HDAC9: variants seen among roughly 807,000 people sequenced by gnomAD.
HDAC9 encodes histone deacetylase 9, also known as MEF-2 interacting transcription repressor (MITR) protein.
In HDAC9, 41 loss-of-function variants were observed where a neutral mutation model predicts 139.4. The observed-to-expected ratio is 0.29, with a 90% CI of 0.23 to 0.38. The LOEUF (loss-of-function observed/expected upper bound fraction) is 0.38. Ranked by LOEUF, HDAC9 falls within the 10% of genes least tolerant of loss-of-function variation. HDAC9 has a pLI of 1.00. For missense variants in HDAC9, 1,147 were observed against 1,297.0 expected (o/e 0.88, Z 1.78); for synonymous variants, 517 against 476.2 (o/e 1.09, Z -1.12).
intron 1 of HDAC9, among the ~76,000 whole-genome samples, chr7:18,153,394 A>G (rs62449103): frequency 3.2e-4 from 48 of 152,146 alleles, no homozygotes; most frequent in Non-Finnish European, 6.2e-4. Flanking sequence ...GTTACTTGAT[A>G]TACACCCTAT....
At position 18,231,669 on chromosome 7, in the gene HDAC9, T is replaced by C. The variant is rs148889156; in HGVS notation, c.25+69320T>C. 2.2e-4 allele frequency among the ~76,000 whole-genome samples: 33 copies of C among 152,310 alleles called. No individual in the cohort carries two copies. In the East Asian group the frequency reaches 6.2e-3, roughly 29 times the overall value. On this transcript the variant is annotated intron_variant, in intron 2 of 12. Transcript: ENST00000417496. The stretch of plus-strand genomic sequence containing the variant: ...CACTTTTTGATAAGATTATGGGATG[T>C]GAAGGACCAGAGCCTCTATGTGGGA...
chr7:18,184,589 G>A (rs1789758719), intron 2 of HDAC9, among the ~76,000 whole-genome samples: 1 of 152,084 alleles, frequency 6.6e-6, no homozygotes. Flanking sequence ...TCCACGTGTG[G>A]CATCATGTTG....
intron 1 of HDAC9, among the ~76,000 whole-genome samples, chr7:18,353,884 CTT>C (rs1783050687): frequency 6.6e-6 from 1 of 152,136 alleles, no homozygotes; most frequent in South Asian, 2.1e-4. Context: ...TGGACTTATT[CTT>C]TTCATTTTTG....
chr7:18,372,809 G>C (rs559825053), intron 1 of HDAC9, among the ~76,000 whole-genome samples: 1 of 152,282 alleles, frequency 6.6e-6, no homozygotes, highest in Non-Finnish European at 1.5e-5. Context: ...TGCCATGGTA[G>C]TGACTGGCTG....
rs532016408 is a variant in HDAC9, at chr7:18,170,491, C to T, written c.25+8142C>T. Reference sequence around the variant, plus strand: ...TTTTGGCTTTTGTTGTTGTTGCTTTCGGTGTTTTAGTCATGAAGTCCTTGC... The same window carrying T: ...TTTTGGCTTTTGTTGTTGTTGCTTTTGGTGTTTTAGTCATGAAGTCCTTGC... On this transcript the variant is annotated intron_variant, in intron 2 of 12. Coordinates refer to the HDAC9 transcript ENST00000417496. Among the ~76,000 whole-genome samples the T allele has an allele frequency of 3.6e-4, 55 of 152,130 alleles. 1 individual carries two copies. The highest frequency in any genetic ancestry group is 1.1e-3 in the African/African-American group (47 of 41,508).
intron 2 of HDAC9, among the ~76,000 whole-genome samples, chr7:18,520,421 T>C (rs569059519): frequency 6.6e-6 from 1 of 152,214 alleles, no homozygotes; most frequent in East Asian, 1.9e-4. Flanking sequence ...CACAGAAAAT[T>C]TTTCTGAATA....
chr7:18,580,865 C>T (rs1003571091), intron 2 of HDAC9, among the ~76,000 whole-genome samples: 1 of 152,120 alleles, frequency 6.6e-6, no homozygotes, highest in African/African-American at 2.4e-5. Flanking sequence ...GTGACCATAA[C>T]TTGTTGAAAC....
At chr7:18,172,881 A>G (rs972669790) in intron 2 of HDAC9, among the ~76,000 whole-genome samples, 20 of 152,170 alleles carry the variant, frequency 1.3e-4, no homozygotes, top group Non-Finnish European at 2.8e-4. Flanking sequence ...CTGTGTGGTC[A>G]GTTTTGGAGT....
At chr7:18,410,592 G>A (rs1192075909) in intron 1 of HDAC9, among the ~76,000 whole-genome samples, 2 of 152,104 alleles carry the variant, frequency 1.3e-5, no homozygotes, top group African/African-American at 4.8e-5. Flanking sequence ...ATAAAGACTT[G>A]AATGACCTTT....
At chr7:18,724,480 C>T (rs1197333352) in intron 12 of HDAC9, among the ~76,000 whole-genome samples, 2 of 152,106 alleles carry the variant, frequency 1.3e-5, no homozygotes. Context: ...ATGAGTGGAG[C>T]TTGCATAACT....
intron 13 of HDAC9, among the ~76,000 whole-genome samples, chr7:18,733,492 A>C (rs1786590394): frequency 6.6e-6 from 1 of 151,106 alleles, no homozygotes; most frequent in South Asian, 2.1e-4. Flanking sequence ...CTTTCAAAAA[A>C]CTCTTCCAAA....
intron 2 of HDAC9, among the ~76,000 whole-genome samples, chr7:18,273,111 G>A (rs28455938): frequency 0.015 from 1,745 of 119,640 alleles, 55 homozygotes; most frequent in African/African-American, 0.054. Context: ...TGTTGCCCTC[G>A]CTGGAGTGCA....
intron 1 of HDAC9, among the ~76,000 whole-genome samples, chr7:18,348,031 G>A (rs73307422): frequency 0.02 from 3,109 of 152,168 alleles, 105 homozygotes; most frequent in African/African-American, 0.071. Flanking sequence ...GTTGAAAGAC[G>A]GATCATGCAG....
At position 18,631,596 on chromosome 7, in the gene HDAC9, ATAGAT is replaced by A. The variant is rs1429470216; in HGVS notation, c.796+2118_796+2122del. Among the ~76,000 whole-genome samples, 6 of 152,010 alleles carry A rather than the reference ATAGAT, an allele frequency of 3.9e-5. No individual in the cohort carries two copies. The South Asian group carries it at 8.3e-4, about 21-fold the overall frequency. ...ATGTCTTTTCTCTCTTCCCCATTTCATAGATTAAAGTGTAAGCTCTTTTCAAACTC... is the reference window on the plus strand; with the variant it reads ...ATGTCTTTTCTCTCTTCCCCATTTCATAAAGTGTAAGCTCTTTTCAAACTC... On this transcript the variant is annotated intron_variant, in intron 7 of 25. Transcript: ENST00000686413.
At chr7:18,582,803 A>C (rs1221352210) in intron 2 of HDAC9, among the ~76,000 whole-genome samples, 1 of 152,200 alleles carries the variant, frequency 6.6e-6, no homozygotes. Context: ...AGAAATATGT[A>C]ACACTTCTTG....
chr7:18,991,005 C>T (rs1014605151), intron 25 of HDAC9, among the ~76,000 whole-genome samples: 3 of 152,362 alleles, frequency 2.0e-5, no homozygotes, highest in Admixed American at 6.5e-5. Flanking sequence ...CACCCGTCTT[C>T]TGCGTTGCCC....
chr7:18,539,542 T>A (rs1236824022), intron 2 of HDAC9, among the ~76,000 whole-genome samples: 1 of 152,232 alleles, frequency 6.6e-6, no homozygotes, highest in African/African-American at 2.4e-5. Flanking sequence ...CGTTAATTTC[T>A]TTGTTTTAAC....
intron 17 of HDAC9, among the ~76,000 whole-genome samples, chr7:18,814,204 C>T (rs1001992247): frequency 2.0e-5 from 3 of 152,088 alleles, no homozygotes; most frequent in Non-Finnish European, 2.9e-5. Flanking sequence ...TAAACAAAGT[C>T]CTGATATTTT....
At chr7:18,492,810 T>C (rs147035959), upstream of HDAC9, among the ~76,000 whole-genome samples, 470 of 152,098 alleles carry the variant, frequency 3.1e-3, 5 homozygotes, top group African/African-American at 0.011. Context: ...TCAACATTCT[T>C]AATAATGGAA....
Sources: allele counts gnomAD v4.1 joint callset (sites outside exome capture counted in the v4.1 genomes callset), GRCh38; gene constraint gnomAD v4.1.1; transcripts MANE v1.5; gene names NCBI Gene and HGNC (gene_info 2026-07-23, HGNC 2026-07-21).